Variants in ZNF804B observed in about 807,000 individuals in gnomAD.
ZNF804B encodes the protein zinc finger protein 804B.
A neutral mutation model predicts 101.4 loss-of-function variants in ZNF804B; 80 were observed. The ratio of observed to expected loss-of-function variants is 0.79; its 90% confidence interval spans 0.66 to 0.95. The LOEUF (loss-of-function observed/expected upper bound fraction) is 0.95, where lower values mean the gene tolerates loss of function less well. Among genes scored for constraint, ZNF804B ranks in the 40% least tolerant of loss-of-function variants. The pLI, the probability that ZNF804B is intolerant of heterozygous loss-of-function variation, is 0.00. For synonymous variants in ZNF804B, 622 were observed against 558.8 expected, an observed-to-expected ratio of 1.11 and a Z score of -1.59; for missense variants, 1,673 against 1,561.9, an observed-to-expected ratio of 1.07 and a Z score of -1.20.
chr7:89,228,240 G>C (rs1789127162), intron 2 of ZNF804B, among the ~76,000 whole-genome samples: 1 of 98,010 alleles, frequency 1.0e-5, no homozygotes, highest in African/African-American at 4.1e-5. Flanking sequence ...TACCCAAAGA[G>C]TGAGCAGCAG....
intron 1 of ZNF804B, among the ~76,000 whole-genome samples, chr7:89,038,856 A>C (rs769452771): frequency 2.6e-5 from 4 of 152,072 alleles, no homozygotes; most frequent in Admixed American, 6.6e-5. Flanking sequence ...ACAAAGGTAC[A>C]ATTTAATTCT....
rs1791354746 is a variant in ZNF804B at position 88,845,293 on chromosome 7, A to ACGCGTGCGCACG, written c.108+85213_108+85214insTGCGCACGCGCG. Among the ~76,000 whole-genome samples the ACGCGTGCGCACG allele has an allele frequency of 3.0e-5, 4 of 131,628 alleles. No individual in the cohort carries two copies. In the East Asian group the frequency reaches 1.0e-3, roughly 34 times the overall value. The allele number at this position is 131,628 out of a possible 152,430, so 86.4% of individuals were successfully genotyped here. On this transcript the variant is annotated intron_variant, in intron 1 of 3. Coordinates refer to ENST00000333190, the MANE Select transcript of ZNF804B (RefSeq NM_181646.5). The stretch of plus-strand genomic sequence containing the variant: ...CGCATGTGTGCGCACGCGCGCGCGC[A>ACGCGTGCGCACG]CGCGCGCGCACACACACACACACAC...
chr7:88,983,735 C>A (rs1173462632), intron 1 of ZNF804B, among the ~76,000 whole-genome samples: 1 of 151,820 alleles, frequency 6.6e-6, no homozygotes, highest in East Asian at 1.9e-4. Context: ...TTTTTATAAT[C>A]TGAATACTAG....
At chr7:88,954,759 CT>C (rs917316051) in intron 1 of ZNF804B, among the ~76,000 whole-genome samples, 2 of 151,694 alleles carry the variant, frequency 1.3e-5, no homozygotes, top group Non-Finnish European at 2.9e-5. Flanking sequence ...TTCAGCTTTG[CT>C]TTTAAGAAAA....
chr7:89,284,317 T>C (rs1790147022), intron 2 of ZNF804B, among the ~76,000 whole-genome samples: 1 of 152,222 alleles, frequency 6.6e-6, no homozygotes, highest in East Asian at 1.9e-4. Context: ...ACGATATCTC[T>C]CAGTTCTCAC....
intron 2 of ZNF804B, among the ~76,000 whole-genome samples, chr7:89,261,122 T>C (rs925182928): frequency 5.9e-5 from 9 of 152,162 alleles, no homozygotes; most frequent in African/African-American, 2.2e-4. Context: ...TATAAAATTA[T>C]TACAGCAATA....
rs1481618766 is a variant in ZNF804B, at chr7:89,210,085, T to A, written c.109-8070T>A. ...AATCGCTTGAACCGGGAAGCAGAGG[T>A]TTTAGTGAGCTGAGATCATGCCACT... On this transcript the variant is annotated intron_variant, in intron 1 of 3. Transcript: ENST00000333190. Among the ~76,000 whole-genome samples the A allele has an allele frequency of 2.0e-5, 3 of 151,228 alleles. No individual in the cohort carries two copies. In the East Asian group the frequency reaches 5.9e-4, roughly 29 times the overall value.
At chr7:88,997,693 T>C (rs2116165614) in intron 1 of ZNF804B, among the ~76,000 whole-genome samples, 1 of 152,202 alleles carries the variant, frequency 6.6e-6, no homozygotes, top group African/African-American at 2.4e-5. Flanking sequence ...AGGGCATATC[T>C]GTGGTACTAA....
intron 1 of ZNF804B, among the ~76,000 whole-genome samples, chr7:88,788,441 C>T (rs1231963589): frequency 6.6e-6 from 1 of 152,106 alleles, no homozygotes; most frequent in Non-Finnish European, 1.5e-5. Flanking sequence ...TACCACCCCA[C>T]CTCTTTTCAT....
intron 2 of ZNF804B, among the ~76,000 whole-genome samples, chr7:89,298,201 A>T (rs1376988034): frequency 7.0e-5 from 5 of 71,548 alleles, no homozygotes; most frequent in South Asian, 5.1e-4. Flanking sequence ...ATATCTATAT[A>T]GTGTGTGTGT....
chr7:88,889,759 G>C (rs767857225), intron 1 of ZNF804B, among the ~76,000 whole-genome samples: 1 of 152,138 alleles, frequency 6.6e-6, no homozygotes, highest in East Asian at 1.9e-4. Flanking sequence ...TTCTTTTGCT[G>C]TGCAGAAGTT....
rs760780951 is a variant in ZNF804B, at chr7:88,990,096, T to C, written c.109-228059T>C. ...ACTTAGTTGTCCATCTTGTTAGTAATTTAAAAATATTAGGATGATACTATG... is the reference window on the plus strand; with the variant it reads ...ACTTAGTTGTCCATCTTGTTAGTAACTTAAAAATATTAGGATGATACTATG... On this transcript the variant is annotated intron_variant, in intron 1 of 3. Transcript: ENST00000333190. Among the ~76,000 whole-genome samples, 132 of 152,054 alleles carry C rather than the reference T, an allele frequency of 8.7e-4. 2 individuals are homozygous for C. Among genetic ancestry groups the C allele is most frequent in the Non-Finnish European group, 1.1e-3 (76 of 67,910 alleles).
chr7:88,976,350 AT>A (rs1452976825), intron 1 of ZNF804B, among the ~76,000 whole-genome samples: 2 of 151,478 alleles, frequency 1.3e-5, no homozygotes, highest in Non-Finnish European at 3.0e-5. Context: ...TAGTATTGAT[AT>A]TTTTAACAAT....
At chr7:89,287,885 T>TAAGTC (rs1486626468) in intron 2 of ZNF804B, among the ~76,000 whole-genome samples, 2 of 151,426 alleles carry the variant, frequency 1.3e-5, no homozygotes, top group African/African-American at 4.9e-5. Context: ...AGCCTAAAAC[T>TAAGTC]AAGTCTCAAC....
At chr7:88,853,064 A>G (rs1335148497) in intron 1 of ZNF804B, among the ~76,000 whole-genome samples, 2 of 152,118 alleles carry the variant, frequency 1.3e-5, no homozygotes, top group African/African-American at 4.8e-5. Context: ...GCTCAAACTA[A>G]GGAGGAATGA....
intron 1 of ZNF804B, among the ~76,000 whole-genome samples, chr7:89,186,149 T>G (rs1788373004): frequency 6.6e-6 from 1 of 151,962 alleles, no homozygotes; most frequent in African/African-American, 2.4e-5. Context: ...ATAAAATAAT[T>G]TTGTAAATAG....
intron 2 of ZNF804B, among the ~76,000 whole-genome samples, chr7:89,288,955 A>G (rs1202532135): frequency 6.6e-6 from 1 of 152,206 alleles, no homozygotes; most frequent in African/African-American, 2.4e-5. Flanking sequence ...ATGGAAAAGC[A>G]AAATATTATT....
At position 88,931,047 on chromosome 7, in the gene ZNF804B, C is replaced by T. The variant is rs1792877601; in HGVS notation, c.108+170963C>T. Among the ~76,000 whole-genome samples, 5 of 151,988 alleles carry T rather than the reference C, an allele frequency of 3.3e-5. No homozygotes were observed. The South Asian group carries it at 1.0e-3, about 31-fold the overall frequency. On this transcript the variant is annotated intron_variant, in intron 1 of 3. Transcript: ENST00000333190. ...AATTCAGTAGTTTCTGCACACCTGT[C>T]TACTTTGTCACTGGCTCAGGGGATT...
intron 1 of ZNF804B, among the ~76,000 whole-genome samples, chr7:88,831,105 G>T (rs1791125283): frequency 6.6e-6 from 1 of 151,842 alleles, no homozygotes; most frequent in African/African-American, 2.4e-5. Flanking sequence ...GCAGACATTT[G>T]AATGTTTTCC....
Sources: gnomAD v4.1 joint callset for allele counts (sites outside exome capture counted in the v4.1 genomes callset) on GRCh38, gnomAD v4.1.1 for gene constraint, MANE v1.5 for transcripts, NCBI Gene and HGNC (gene_info 2026-07-23, HGNC 2026-07-21) for gene names.